The following C8orf34 variants were observed in gnomAD, a reference collection of about 807,000 sequenced individuals.
The protein encoded by C8orf34 is chromosome 8 open reading frame 34, also known as uncharacterized protein C8orf34.
A neutral mutation model predicts 68.3 loss-of-function variants in C8orf34; 65 were observed. The observed-to-expected ratio is 0.95, with a 90% confidence interval of 0.78 to 1.17. C8orf34 has a LOEUF of 1.17. C8orf34 is among the 50% of genes most tolerant of loss of function. The probability of loss-of-function intolerance (pLI) is 0.00; values close to 1 mark genes in which losing one functional copy is unlikely to be tolerated. For missense variants in C8orf34, 664 were observed against 655.4 expected (o/e 1.01, Z -0.14); for synonymous variants, 244 against 241.2 (o/e 1.01, Z -0.11).
intron 7 of C8orf34, among the ~76,000 whole-genome samples, chr8:68,597,938 T>G (rs1297471497): frequency 6.6e-6 from 1 of 152,180 alleles, no homozygotes; most frequent in Admixed American, 6.5e-5. Context: ...TTTAAAGTAC[T>G]TTTGAATTGT....
intron 12 of C8orf34, among the ~76,000 whole-genome samples, chr8:68,793,008 G>A (rs1379095363): frequency 6.6e-6 from 1 of 151,860 alleles, no homozygotes; most frequent in Non-Finnish European, 1.5e-5. Flanking sequence ...TATATTATAA[G>A]CTGCATATAG....
rs977139391 is a variant in C8orf34 at position 68,709,790 on chromosome 8, GCAAA to G, written c.1327+719_1327+722del. ...TATAAAATGGAAATTCCTTAACTTA[GCAAA>G]CAAACAATATCAGAGCAATTCAAAA... On this transcript the variant is annotated intron_variant, in intron 9 of 13. Transcript: ENST00000518698. Among the ~76,000 whole-genome samples, 9 of 152,030 alleles carry G rather than the reference GCAAA, an allele frequency of 5.9e-5. No individual in the cohort carries two copies. The Middle Eastern group carries it at 0.014, about 230-fold the overall frequency.
intron 5 of C8orf34, among the ~76,000 whole-genome samples, chr8:68,503,681 T>G (rs942097226): frequency 6.7e-6 from 1 of 149,938 alleles, no homozygotes; most frequent in Non-Finnish European, 1.5e-5. Context: ...TTCTCTTTTC[T>G]TTTTCTTTTT....
chr8:68,395,504 G>A (rs945888173), intron 1 of C8orf34, among the ~76,000 whole-genome samples: 1 of 151,946 alleles, frequency 6.6e-6, no homozygotes, highest in East Asian at 1.9e-4. Context: ...TGAAATCCTT[G>A]ATGTCAAAGG....
chr8:68,384,292 A>C (rs934406699), intron 1 of C8orf34, among the ~76,000 whole-genome samples: 2 of 152,244 alleles, frequency 1.3e-5, no homozygotes, highest in African/African-American at 2.4e-5. Context: ...TCAAAAGAAC[A>C]TGTATCAATG....
chr8:68,401,443 C>T (rs1327236551), intron 1 of C8orf34, among the ~76,000 whole-genome samples: 3 of 152,016 alleles, frequency 2.0e-5, no homozygotes, highest in Admixed American at 6.6e-5. Flanking sequence ...TGGACATCCT[C>T]GTCTTATTCT....
chr8:68,641,257 GGA>G (rs1263167944), intron 8 of C8orf34, among the ~76,000 whole-genome samples: 6 of 152,156 alleles, frequency 3.9e-5, no homozygotes, highest in African/African-American at 1.4e-4. Context: ...GTGTTTGAGA[GGA>G]GATTAGCTGC....
At chr8:68,476,487 A>G (rs1020365678) in intron 4 of C8orf34, among the ~76,000 whole-genome samples, 53 of 152,190 alleles carry the variant, frequency 3.5e-4, no homozygotes, top group African/African-American at 1.1e-3. Context: ...TTATCATTGA[A>G]AAGGCCAAAA....
At chr8:68,745,837 G>T (rs1822471611) in intron 10 of C8orf34, among the ~76,000 whole-genome samples, 1 of 152,070 alleles carries the variant, frequency 6.6e-6, no homozygotes, top group Admixed American at 6.5e-5. Flanking sequence ...GAGACAGAAA[G>T]TCAACAAGGA....
At chr8:68,694,834 T>C (rs1055893934) in intron 8 of C8orf34, among the ~76,000 whole-genome samples, 3 of 152,082 alleles carry the variant, frequency 2.0e-5, no homozygotes, top group Non-Finnish European at 4.4e-5. Context: ...TATAATTTGA[T>C]CACAGTGCCT....
chr8:68,480,029 C>A (rs541246298), intron 4 of C8orf34, among the ~76,000 whole-genome samples: 1 of 152,220 alleles, frequency 6.6e-6, no homozygotes, highest in East Asian at 1.9e-4. Flanking sequence ...ACTATTTAGC[C>A]CGTAACAGAA....
chr8:68,426,021 A>G (rs531268555), intron 1 of C8orf34, among the ~76,000 whole-genome samples: 1 of 152,322 alleles, frequency 6.6e-6, no homozygotes, highest in Admixed American at 6.5e-5. Flanking sequence ...AAATTAACTC[A>G]AAATGGGTCA....
At chr8:68,644,102 T>C (rs1819095342) in intron 8 of C8orf34, among the ~76,000 whole-genome samples, 1 of 152,144 alleles carries the variant, frequency 6.6e-6, no homozygotes, top group East Asian at 1.9e-4. Context: ...ATCTATGAAA[T>C]AAACTCACAA....
intron 10 of C8orf34, among the ~76,000 whole-genome samples, chr8:68,751,866 T>C (rs1394639943): frequency 6.6e-6 from 1 of 150,892 alleles, no homozygotes; most frequent in Non-Finnish European, 1.5e-5. Context: ...ATAAAATATA[T>C]ATTTGAATTT....
At chr8:68,744,238 C>T (rs1677934683) in intron 10 of C8orf34, among the ~76,000 whole-genome samples, 1 of 150,900 alleles carries the variant, frequency 6.6e-6, no homozygotes, top group African/African-American at 2.4e-5. Context: ...ATCTGTACAT[C>T]ACCATCATCA....
At chr8:68,668,984 G>T (rs546677040) in intron 8 of C8orf34, among the ~76,000 whole-genome samples, 33 of 152,162 alleles carry the variant, frequency 2.2e-4, no homozygotes, top group African/African-American at 7.7e-4. Flanking sequence ...CTTGATTTTG[G>T]GCTTGTTAGA....
intron 3 of C8orf34, among the ~76,000 whole-genome samples, chr8:68,453,303 A>G (rs1811420441): frequency 6.6e-6 from 1 of 151,998 alleles, no homozygotes; most frequent in African/African-American, 2.4e-5. Context: ...AGTTGTTTAA[A>G]ATATTTCTGC....
intron 5 of C8orf34, among the ~76,000 whole-genome samples, chr8:68,514,100 G>C (rs978498624): frequency 1.3e-5 from 2 of 152,160 alleles, no homozygotes; most frequent in Admixed American, 6.5e-5. Flanking sequence ...CAGGCTCGCA[G>C]ACAATTTGAA....
chr8:68,783,372 T>C (rs1422844283), intron 11 of C8orf34, among the ~76,000 whole-genome samples: 2 of 151,826 alleles, frequency 1.3e-5, no homozygotes, highest in African/African-American at 2.4e-5. Context: ...GCAAAAATTA[T>C]CTGAGCATGG....
Sources: allele counts gnomAD v4.1 joint callset (sites outside exome capture counted in the v4.1 genomes callset), GRCh38; gene constraint gnomAD v4.1.1; transcripts MANE v1.5; gene names NCBI Gene and HGNC (gene_info 2026-07-23, HGNC 2026-07-21).